Variants in VRTN observed in about 807,000 individuals in gnomAD.
The protein encoded by VRTN is vertebrae development associated.
A neutral mutation model predicts 18.2 loss-of-function variants in VRTN; 5 were observed. The observed-to-expected ratio is 0.27, with a 90% confidence interval of 0.14 to 0.58. The LOEUF is 0.58. VRTN is among the 20% of genes least tolerant of loss of function. VRTN has a pLI of 0.91. For missense variants in VRTN, 741 were observed against 939.4 expected (o/e 0.79, Z 2.76); for synonymous variants, 381 against 393.7 (o/e 0.97, Z 0.38).
intron 2 of VRTN, among the ~76,000 whole-genome samples, chr14:74,340,843 T>C (rs758554806): frequency 2.6e-5 from 4 of 152,180 alleles, no homozygotes; most frequent in African/African-American, 9.7e-5. Context: ...CTCTGCCTCC[T>C]GGGTTCAAGC....
intron 1 of VRTN, among the ~76,000 whole-genome samples, chr14:74,330,938 G>A (rs922492600): frequency 6.6e-6 from 1 of 151,052 alleles, no homozygotes; most frequent in Non-Finnish European, 1.5e-5. Flanking sequence ...GGTGGCTCAC[G>A]CCTGTAATCC....
At chr14:74,315,289 C>T (rs1262217929) in intron 1 of VRTN, among the ~76,000 whole-genome samples, 2 of 152,174 alleles carry the variant, frequency 1.3e-5, no homozygotes, top group African/African-American at 4.8e-5. Context: ...TCTTGGCTCA[C>T]TGCAACCTCC....
chr14:74,310,216 G>A (rs1043344854), intron 1 of VRTN, among the ~76,000 whole-genome samples: 2 of 151,982 alleles, frequency 1.3e-5, no homozygotes, highest in Non-Finnish European at 2.9e-5. Context: ...TGACCAACAT[G>A]GAGAAACCCC....
upstream of VRTN, among the ~76,000 whole-genome samples, chr14:74,347,244 A>G (rs2085649353): frequency 6.6e-6 from 1 of 152,188 alleles, no homozygotes; most frequent in Non-Finnish European, 1.5e-5. Flanking sequence ...CCAAGGCCAC[A>G]TTCTAGTAAG....
intron 1 of VRTN, among the ~76,000 whole-genome samples, chr14:74,324,327 G>T (rs543971956): frequency 1.4e-5 from 2 of 142,908 alleles, no homozygotes; most frequent in South Asian, 4.4e-4. Context: ...GGCAGAGGTT[G>T]CAGTGAGCTG....
Position 74,358,717 on chromosome 14 carries a change from T to G in VRTN, c.1934T>G (p.Met645Arg), listed in dbSNP as rs1451341814. The G allele has an allele frequency of 3.1e-6, 5 of 1,614,094 alleles. No homozygotes were observed. In the African/African-American group the frequency reaches 6.7e-5, roughly 22 times the overall value. ...GRDGRMLVMD[M>R]IATTKFKAQA... ...GATGGCCGGATGCTGGTGATGGACATGATCGCTACCACGAAGTTCAAGGCC... is the reference window on the plus strand; with the variant it reads ...GATGGCCGGATGCTGGTGATGGACAGGATCGCTACCACGAAGTTCAAGGCC... The change falls in exon 2 of 2, where the codon ATG (methionine) becomes AGG (arginine). Residue 645 changes from methionine to arginine, a missense_variant. By Grantham distance (91) the Met-to-Arg change is moderately conservative (BLOSUM62 -1). Around this residue, in one of 3 missense-constraint regions of VRTN, gnomAD observed 61 missense variants for 104.6 expected, o/e 0.58. Coordinates refer to ENST00000256362, the MANE Select transcript of VRTN (RefSeq NM_018228.3). The surrounding 1 kb of genome is among the most constrained non-coding windows in gnomAD (Gnocchi z 5.4).
intron 2 of VRTN, among the ~76,000 whole-genome samples, chr14:74,340,245 TG>T (rs1439138662): frequency 6.6e-6 from 1 of 151,992 alleles, no homozygotes. Flanking sequence ...CCCTAGTAGC[TG>T]GGATTATAGG....
rs2232034 is a variant in VRTN at position 74,357,707 on chromosome 14, G to A, written c.924G>A (p.Gln308=). 1.3e-3 allele frequency: 2,171 copies of A among 1,613,636 alleles called. 22 individuals carry two copies. In the African/African-American group the frequency reaches 0.025, roughly 18 times the overall value. Residue 308 remains glutamine (Q), a synonymous_variant, in exon 2 of 2, where the codon CAG becomes CAA. Coordinates refer to ENST00000256362, the MANE Select transcript of VRTN (RefSeq NM_018228.3). The surrounding 1 kb of genome is among the most constrained non-coding windows in gnomAD (Gnocchi z 7.8). ...GGCGGCAGTCCCAGGAGCACCGGCA[G>A]AAGGTTGCTGCCCGCTTCTCCGCCA... ...RWRRQSQEHR[Q]KVAARFSAKH... is the part of the protein sequence containing the mutation.
rs200083541 is a variant in VRTN, at chr14:74,357,542, C to T, written c.759C>T (p.Gly253=). The change falls in exon 2 of 2, where the codon GGC becomes GGT. Residue 253 remains glycine (G), a synonymous_variant. Transcript: ENST00000256362. The surrounding 1 kb of genome is among the most constrained non-coding windows in gnomAD (Gnocchi z 7.8). The stretch of plus-strand genomic sequence containing the variant: ...AGGTGGAGGCTGAAGGTGCCCCTGG[C>T]GTGGCCCCAGCTCTTCCAGCCCTGG... ...LEEVEAEGAP[G]VAPALPALAP... 1.9e-4 allele frequency: 300 copies of T among 1,613,306 alleles called. 1 individual carries two copies. The East Asian group carries it at 3.9e-3, about 21-fold the overall frequency.
At position 74,358,682 on chromosome 14, in the gene VRTN, G is replaced by A. The variant is rs749936522; in HGVS notation, c.1899G>A (p.Ala633=). ...TGAGCCAACCTGTGGTGGCAGCAGC[G>A]GGTGGCAGGGATGGCCGGATGCTGG... ...PLLSQPVVAA[A]GGRDGRMLVM... is the part of the protein sequence containing the mutation. The change falls in exon 2 of 2, where the codon GCG becomes GCA. Residue 633 remains alanine (A), a synonymous_variant. Coordinates refer to ENST00000256362, the MANE Select transcript of VRTN (RefSeq NM_018228.3). The surrounding 1 kb of genome is among the most constrained non-coding windows in gnomAD (Gnocchi z 5.4). The A allele has an allele frequency of 5.6e-6, 9 of 1,613,636 alleles. No individual in the cohort carries two copies. Among genetic ancestry groups the A allele is most frequent in the African/African-American group, 2.7e-5 (2 of 74,962 alleles).
chr14:74,313,689 T>C (rs147326563), intron 1 of VRTN, among the ~76,000 whole-genome samples: 5 of 152,290 alleles, frequency 3.3e-5, no homozygotes, highest in Middle Eastern at 6.8e-3. Context: ...TGTTAAAAAG[T>C]TGGAGCCTTG....
chr14:74,346,432 A>G (rs894744600), upstream of VRTN, among the ~76,000 whole-genome samples: 5 of 151,892 alleles, frequency 3.3e-5, no homozygotes, highest in African/African-American at 1.2e-4. Flanking sequence ...TTAAGACAGG[A>G]TCTCACTCTG....
chr14:74,315,700 G>A (rs2140194028), intron 1 of VRTN, among the ~76,000 whole-genome samples: 1 of 152,192 alleles, frequency 6.6e-6, no homozygotes, highest in East Asian at 1.9e-4. Context: ...ATAGCGCTAA[G>A]AAAACTACAG....
At chr14:74,324,051 AGTGCTTAACTGCC>A (rs1033574944) in intron 1 of VRTN, among the ~76,000 whole-genome samples, 1 of 152,060 alleles carries the variant, frequency 6.6e-6, no homozygotes, top group Non-Finnish European at 1.5e-5. Context: ...CTTCATGTAA[AGTGCTTAACTGCC>A]GTGAATGGCA....
At chr14:74,328,872 C>A in intron 1 of VRTN, among the ~76,000 whole-genome samples, 1 of 151,382 alleles carries the variant, frequency 6.6e-6, no homozygotes, top group South Asian at 2.1e-4. Context: ...CAGTGGCTCA[C>A]GCCTGTAATC....
Position 74,358,910 on chromosome 14 carries a change from G to A in VRTN, c.*18G>A, listed in dbSNP as rs1424600935. The A allele has an allele frequency of 1.9e-6, 3 of 1,594,016 alleles. No homozygotes were observed. Among genetic ancestry groups the A allele is most frequent in the Non-Finnish European group, 2.6e-6 (3 of 1,168,982 alleles). ...ATGGCTGACAGGGAGGTACAAAAGG[G>A]GCTGGGAAGAAGGGGGACCAGTTTG... On this transcript the variant is annotated 3_prime_UTR_variant, in exon 2 of 2. Transcript: ENST00000256362. This position sits in a 1 kb window ranked among gnomAD's most constrained non-coding sequence, Gnocchi z 5.4.
At position 74,357,682 on chromosome 14, in the gene VRTN, G is replaced by A. The variant is rs558026399; in HGVS notation, c.899G>A (p.Arg300Gln). 1.1e-5 allele frequency: 18 copies of A among 1,613,528 alleles called. No individual in the cohort carries two copies. The highest frequency in any genetic ancestry group is 5.0e-5 in the Admixed American group (3 of 60,000). The part of the protein sequence containing the change: ...SVTKSTFYRW[R>Q]RQSQEHRQKV... ...ACCAAAAGCACCTTCTACCGCTGGC[G>A]GCGGCAGTCCCAGGAGCACCGGCAG... Residue 300 changes from arginine (R) to glutamine (Q), a missense_variant, in exon 2 of 2, where the codon CGG becomes CAG. Coordinates refer to ENST00000256362, the MANE Select transcript of VRTN (RefSeq NM_018228.3). The surrounding 1 kb of genome is among the most constrained non-coding windows in gnomAD (Gnocchi z 7.8).
chr14:74,332,376 T>G (rs113833420), intron 1 of VRTN, among the ~76,000 whole-genome samples: 2,840 of 112,892 alleles, frequency 0.025, 93 homozygotes, highest in African/African-American at 0.059. Flanking sequence ...TTTTTTTTTT[T>G]AGATGGAGTT....
chr14:74,355,035 G>A (rs1037509051), intron 1 of VRTN, among the ~76,000 whole-genome samples: 13 of 151,722 alleles, frequency 8.6e-5, no homozygotes, highest in African/African-American at 2.9e-4. Flanking sequence ...CCAGCTACTC[G>A]GGTGGCTGAG....
Sources: gnomAD v4.1 joint callset for allele counts (sites outside exome capture counted in the v4.1 genomes callset) on GRCh38, gnomAD v4.1.1 for gene constraint, gnomAD v4.1.1 regional missense constraint, Gnocchi (gnomAD v3.1) non-coding constraint, MANE v1.5 for transcripts, NCBI Gene and HGNC (gene_info 2026-07-23, HGNC 2026-07-21) for gene names.